NXPH1: variants seen among roughly 807,000 people sequenced by gnomAD.
NXPH1 encodes neurexophilin-1.
In NXPH1, 5 loss-of-function variants were observed where a neutral mutation model predicts 23.7. The observed-to-expected ratio is 0.21, with a 90% CI of 0.11 to 0.44. The LOEUF is 0.44. NXPH1 is among the 20% of genes least tolerant of loss of function. The pLI, the probability that NXPH1 is intolerant of heterozygous loss-of-function variation, is 0.99. For synonymous variants in NXPH1, 144 were observed against 122.2 expected (o/e 1.18, Z -1.18); for missense variants, 324 against 321.6 (o/e 1.01, Z -0.06).
intron 2 of NXPH1, among the ~76,000 whole-genome samples, chr7:8,512,365 A>G (rs1817626011): frequency 6.6e-6 from 1 of 152,148 alleles, no homozygotes; most frequent in Non-Finnish European, 1.5e-5. Flanking sequence ...CCACTGCATG[A>G]CAAATAGTGA....
At chr7:8,685,200 A>G (rs1424760381) in intron 2 of NXPH1, among the ~76,000 whole-genome samples, 1 of 151,334 alleles carries the variant, frequency 6.6e-6, no homozygotes, top group Non-Finnish European at 1.5e-5. Context: ...GTTATCCTTT[A>G]TTACGTGCAT....
intron 2 of NXPH1, among the ~76,000 whole-genome samples, chr7:8,676,678 T>C (rs1820958470): frequency 6.6e-6 from 1 of 152,174 alleles, no homozygotes. Flanking sequence ...TCTTTATAGT[T>C]TTCTAGTACT....
chr7:8,472,463 G>T (rs1357299031), intron 2 of NXPH1, among the ~76,000 whole-genome samples: 1 of 152,144 alleles, frequency 6.6e-6, no homozygotes, highest in Admixed American at 6.5e-5. Flanking sequence ...TGGGTGGTTT[G>T]TCCAAAGTCA....
rs1027791889 is a variant in NXPH1, at chr7:8,697,053, G to A, written c.55-53955G>A. Reference sequence around the variant, plus strand: ...GGCGCCTGTGATCCCAGCTACTAAGGAGGCTAAGGCAGGAGAATCACTTGA... The same window carrying A: ...GGCGCCTGTGATCCCAGCTACTAAGAAGGCTAAGGCAGGAGAATCACTTGA... On this transcript the variant is annotated intron_variant, in intron 2 of 2. Coordinates refer to ENST00000405863, the MANE Select transcript of NXPH1 (RefSeq NM_152745.3). Among the ~76,000 whole-genome samples, 6 of 150,732 alleles carry A rather than the reference G, an allele frequency of 4.0e-5. No individual in the cohort carries two copies. The South Asian group carries it at 6.3e-4, about 16-fold the overall frequency.
At chr7:8,663,843 C>T (rs1302857163) in intron 2 of NXPH1, among the ~76,000 whole-genome samples, 1 of 152,010 alleles carries the variant, frequency 6.6e-6, no homozygotes, top group East Asian at 1.9e-4. Context: ...GAAGAAAGAT[C>T]TGGTCATCAG....
intron 2 of NXPH1, among the ~76,000 whole-genome samples, chr7:8,587,845 A>T (rs543396120): frequency 6.6e-6 from 1 of 152,138 alleles, no homozygotes; most frequent in African/African-American, 2.4e-5. Context: ...GTGGTATTCC[A>T]TGGTGTATAT....
chr7:8,503,411 A>C (rs1048907648), intron 2 of NXPH1, among the ~76,000 whole-genome samples: 5 of 151,972 alleles, frequency 3.3e-5, no homozygotes, highest in African/African-American at 1.2e-4. Context: ...ATGCATGGTC[A>C]GTGTTATCTT....
chr7:8,486,054 A>G (rs1817153969), intron 2 of NXPH1, among the ~76,000 whole-genome samples: 1 of 152,200 alleles, frequency 6.6e-6, no homozygotes. Flanking sequence ...TTTAAAACAT[A>G]TGATGGGATT....
intron 2 of NXPH1, among the ~76,000 whole-genome samples, chr7:8,651,003 G>A (rs1032358146): frequency 6.6e-6 from 1 of 151,200 alleles, no homozygotes; most frequent in African/African-American, 2.4e-5. Context: ...TTAAGTTTTA[G>A]GGTACATGTG....
At chr7:8,550,950 G>A (rs1200714055) in intron 2 of NXPH1, among the ~76,000 whole-genome samples, 2 of 151,360 alleles carry the variant, frequency 1.3e-5, no homozygotes, top group African/African-American at 4.8e-5. Context: ...TTTTATACTT[G>A]AGTCCTGGAA....
chr7:8,718,214 G>C (rs1779909403), intron 2 of NXPH1, among the ~76,000 whole-genome samples: 1 of 152,102 alleles, frequency 6.6e-6, no homozygotes, highest in Non-Finnish European at 1.5e-5. Flanking sequence ...AAGCAGGCTT[G>C]AACTCAGCTT....
At chr7:8,599,806 G>GGTT (rs1583183226) in intron 2 of NXPH1, among the ~76,000 whole-genome samples, 1 of 79,106 alleles carries the variant, frequency 1.3e-5, no homozygotes, top group African/African-American at 7.8e-5. Flanking sequence ...TAGATAGGAA[G>GGTT]ATTTTTTTTT....
intron 2 of NXPH1, among the ~76,000 whole-genome samples, chr7:8,676,036 G>C (rs1426139564): frequency 1.3e-5 from 2 of 152,088 alleles, no homozygotes; most frequent in African/African-American, 4.8e-5. Context: ...GCAGAGTCTG[G>C]ATGTTTTTCT....
chr7:8,481,053 A>G (rs963338627), intron 2 of NXPH1, among the ~76,000 whole-genome samples: 2 of 152,190 alleles, frequency 1.3e-5, no homozygotes, highest in Non-Finnish European at 2.9e-5. Flanking sequence ...CATGTACTAT[A>G]TTGTGTTCAA....
At chr7:8,626,881 T>C (rs1417057531) in intron 2 of NXPH1, among the ~76,000 whole-genome samples, 1 of 152,096 alleles carries the variant, frequency 6.6e-6, no homozygotes, top group Non-Finnish European at 1.5e-5. Context: ...CCTTCTATTC[T>C]TCCTATACAC....
intron 2 of NXPH1, among the ~76,000 whole-genome samples, chr7:8,666,430 T>C (rs1431644349): frequency 6.6e-6 from 1 of 152,044 alleles, no homozygotes; most frequent in Non-Finnish European, 1.5e-5. Context: ...GCATAAGTTC[T>C]TTGCTAGTAT....
intron 2 of NXPH1, among the ~76,000 whole-genome samples, chr7:8,650,056 G>A (rs1820466405): frequency 6.6e-6 from 1 of 152,004 alleles, no homozygotes; most frequent in African/African-American, 2.4e-5. Flanking sequence ...GAACTCTGTT[G>A]CTGCTATTTC....
At chr7:8,514,871 C>T (rs1817664205) in intron 2 of NXPH1, among the ~76,000 whole-genome samples, 1 of 152,140 alleles carries the variant, frequency 6.6e-6, no homozygotes, top group African/African-American at 2.4e-5. Context: ...AGATTACACA[C>T]TCTAAAGGAA....
At chr7:8,609,239 A>G (rs529551743) in intron 2 of NXPH1, among the ~76,000 whole-genome samples, 16 of 152,318 alleles carry the variant, frequency 1.1e-4, no homozygotes, top group Non-Finnish European at 2.2e-4. Context: ...AGCTCAATAC[A>G]TGTAAGCAAA....
Sources: allele counts gnomAD v4.1 joint callset (sites outside exome capture counted in the v4.1 genomes callset), GRCh38; gene constraint gnomAD v4.1.1; transcripts MANE v1.5; gene names NCBI Gene and HGNC (gene_info 2026-07-23, HGNC 2026-07-21).